The following RABGGTB variants were observed in gnomAD, a reference collection of about 807,000 sequenced individuals.
The protein encoded by RABGGTB is geranylgeranyl transferase type-2 subunit beta.
In RABGGTB, 20 loss-of-function variants were observed where a neutral mutation model predicts 44.5. The ratio of observed to expected loss-of-function variants is 0.45; its 90% CI spans 0.32 to 0.65. The LOEUF is 0.65. Among genes scored for constraint, RABGGTB ranks in the 30% least tolerant of loss-of-function variants. The pLI, the probability that RABGGTB is intolerant of heterozygous loss-of-function variation, is 0.05. For synonymous variants in RABGGTB, 128 were observed against 136.7 expected (o/e 0.94, Z 0.44); for missense variants, 302 against 398.7 (o/e 0.76, Z 2.06).
intron 1 of RABGGTB, chr1:75,786,770 T>A (rs1320309087): frequency 2.7e-5 from 8 of 295,030 alleles, no homozygotes; most frequent in Non-Finnish European, 6.5e-6. Context: ...CATGGGGACT[T>A]CTGCAAATAC....
Position 75,791,351 on chromosome 1 carries a change from A to T in RABGGTB, c.468+14A>T. On this transcript the variant is annotated intron_variant, in intron 5 of 8. Coordinates refer to ENST00000319942, the MANE Select transcript of RABGGTB (RefSeq NM_004582.4). ...TTGGCTTTGTTGGTAAGCTTTGAAT[A>T]TTTGATTGAAATGATTAAAGTTCAT... The T allele has an allele frequency of 6.2e-7, 1 of 1,600,692 alleles. No homozygotes were observed. The highest frequency in any genetic ancestry group is 8.5e-7 in the Non-Finnish European group (1 of 1,170,632).
chr1:75,786,258 T>C lies in RABGGTB; in HGVS notation c.-14T>C. 6.2e-7 allele frequency: 1 copy of C among 1,614,174 alleles called. No individual in the cohort carries two copies. The highest frequency in any genetic ancestry group is 8.5e-7 in the Non-Finnish European group (1 of 1,180,016). ...CCCAGGAACTGACCCTGCTCTCTCC[T>C]TTCCCTGTTAGACATGGTAAGTGTG... On this transcript the variant is annotated 5_prime_UTR_variant, in exon 1 of 9. Transcript: ENST00000319942.
At chr1:75,794,288 C>G in intron 8 of RABGGTB, 55 bp downstream of exon 8, 1 of 1,530,114 alleles carries the variant, frequency 6.5e-7, no homozygotes, top group Non-Finnish European at 8.8e-7. Flanking sequence ...TGCATTACTT[C>G]ATGGTTCCAT....
chr1:75,790,238 G>A (rs1445661937), intron 4 of RABGGTB, 181 bp downstream of exon 4: 84 of 1,335,556 alleles, frequency 6.3e-5, no homozygotes, highest in Non-Finnish European at 7.9e-5. Context: ...GCATATACAG[G>A]AGCACTGGAA....
At position 75,787,511 on chromosome 1, in the gene RABGGTB, G is replaced by T. The variant is rs775478491; in HGVS notation, c.18G>T (p.Lys6Asn). ...TATTTTGAAAGGGCACTCCACAGAA[G>T]GATGTTATTATCAAGTCAGATGCAC... Reference protein sequence around the residue: MGTPQKDVIIKSDAPD... With the variant: MGTPQNDVIIKSDAPD... The change falls in exon 2 of 9, where the codon AAG (lysine) becomes AAT (asparagine). Residue 6 changes from lysine (K) to asparagine (N), a missense_variant. Physicochemically the swap from Lys to Asn is moderately conservative, Grantham distance 94. This residue lies in a region of RABGGTB where 89 missense variants were observed against 75.0 expected (regional missense o/e 1.19). Transcript: ENST00000319942. 2 of 1,613,456 alleles carry T rather than the reference G, an allele frequency of 1.2e-6. No individual in the cohort carries two copies. The highest frequency in any genetic ancestry group is 1.6e-4 in the Middle Eastern group (1 of 6,084).
At chr1:75,789,431 C>G (rs750241358) in intron 3 of RABGGTB, 75 bp downstream of exon 3, 1 of 1,470,374 alleles carries the variant, frequency 6.8e-7, no homozygotes, top group Non-Finnish European at 9.5e-7. Flanking sequence ...GAAACTGTAT[C>G]AGGATTTGGT....
intron 1 of RABGGTB, 67 bp from the exon 2 acceptor site, chr1:75,787,430 C>T (rs1054537166): frequency 1.5e-5 from 17 of 1,162,492 alleles, no homozygotes; most frequent in African/African-American, 9.2e-5. Context: ...TATGTTGAAT[C>T]TATGCTGTGG....
intron 4 of RABGGTB, chr1:75,790,576 T>A: frequency 1.4e-6 from 1 of 727,506 alleles, no homozygotes; most frequent in African/African-American, 1.9e-5. Flanking sequence ...AGTTTTCTTC[T>A]CTTTGGTTTT....
chr1:75,792,098 AGTG>A lies in RABGGTB; in HGVS notation c.580-79_580-77del, dbSNP rs755434455. 5.5e-4 allele frequency: 666 copies of A among 1,204,756 alleles called. 4 individuals carry two copies. The highest frequency in any genetic ancestry group is 2.9e-4 in the Non-Finnish European group (249 of 848,190). The allele number at this position is 1,204,756 out of a possible 1,614,324, so 74.6% of individuals were successfully genotyped here. On this transcript the variant is annotated intron_variant, in intron 6 of 8. Transcript: ENST00000319942. ...TCAAGAAGAAAAACTTAAGATATAA[AGTG>A]GTGTTTTAATAATTTGAGTTTTATC...
At chr1:75,787,423 G>C (rs148587385) in intron 1 of RABGGTB, 74 bp from the exon 2 acceptor site, 1 of 1,114,880 alleles carries the variant, frequency 9.0e-7, no homozygotes, top group Non-Finnish European at 1.3e-6. Flanking sequence ...TGAGATGTAT[G>C]TTGAATCTAT....
intron 2 of RABGGTB, chr1:75,787,879 A>G (rs1450320530): frequency 4.6e-6 from 3 of 648,446 alleles, no homozygotes; most frequent in South Asian, 4.2e-5. Context: ...GTTAGGGGTA[A>G]TACTTTCAAG....
At chr1:75,786,589 A>T (rs535462968) in intron 1 of RABGGTB, 75 of 380,528 alleles carry the variant, frequency 2.0e-4, no homozygotes, top group African/African-American at 1.5e-3. Context: ...AGGGGGTGTC[A>T]AAGATTTCTT....
At chr1:75,792,143 AATT>A (rs767924322) in intron 6 of RABGGTB, 35 bp from the exon 7 acceptor site, 2 of 1,541,288 alleles carry the variant, frequency 1.3e-6, no homozygotes, top group Non-Finnish European at 1.8e-6. Flanking sequence ...AATGTCAAGA[AATT>A]ATTATACACA....
chr1:75,794,221 G>T lies in RABGGTB; in HGVS notation c.843G>T (p.Arg281Ser). The T allele has an allele frequency of 6.2e-7, 1 of 1,607,978 alleles. No individual in the cohort carries two copies. The highest frequency in any genetic ancestry group is 2.2e-5 in the East Asian group (1 of 44,786). ...QDEETGGFADRPGDMVDPFHT... is the reference protein window; with the variant it reads ...QDEETGGFADSPGDMVDPFHT... ...AAGAAACGGGGGGATTTGCAGACAG[G>T]CCAGGAGATATGGCAAGTAATATTT... Residue 281 changes from arginine to serine, a missense_variant, in exon 8 of 9, where the codon AGG becomes AGT. Physicochemically the swap from Arg to Ser is moderately radical, Grantham distance 110. Transcript: ENST00000319942.
Position 75,787,588 on chromosome 1 carries a change from C to A in RABGGTB, c.95C>A (p.Ser32Ter). ...GCAGATTATATCGCATCCTATGGCT[C>A]AAAGAAAGATGATTATGTATGTATA... ...KHADYIASYG[S>*]KKDDYEYCMS... The change falls in exon 2 of 9, where the codon TCA (serine) becomes TAA (stop). Residue 32 changes from serine to a stop codon, truncating the protein, a stop_gained. Transcript: ENST00000319942. LOFTEE classifies it high-confidence loss of function. 6.2e-7 allele frequency: 1 copy of A among 1,610,922 alleles called. No homozygotes were observed. Among genetic ancestry groups the A allele is most frequent in the Non-Finnish European group, 8.5e-7 (1 of 1,177,240 alleles).
At chr1:75,786,197 A>C, upstream of RABGGTB, 1 of 1,579,342 alleles carries the variant, frequency 6.3e-7, no homozygotes. Flanking sequence ...GGGGCCTGAG[A>C]GGCGCATCTG....
chr1:75,794,190 A>G lies in RABGGTB; in HGVS notation c.812A>G (p.Gln271Arg), dbSNP rs1557482870. 5 of 1,613,780 alleles carry G rather than the reference A, an allele frequency of 3.1e-6. No individual in the cohort carries two copies. The highest frequency in any genetic ancestry group is 4.2e-6 in the Non-Finnish European group (5 of 1,179,776). The change falls in exon 8 of 9, where the codon CAA (glutamine) becomes CGA (arginine). Residue 271 changes from glutamine (Q) to arginine (R), a missense_variant. Transcript: ENST00000319942. ...CTGCGTAATTTCATTTTAGCATGTC[A>G]AGATGAAGAAACGGGGGGATTTGCA... ...EKLRNFILAC[Q>R]DEETGGFADR...
rs752962520 is a variant in RABGGTB, at chr1:75,791,562, T to C, written c.570T>C (p.His190=). Reference sequence around the variant, plus strand: ...GTTGCAGACCAGGTTCTGAATCCCATGCTGGGCAGGTAATTTATGAATACA... The same window carrying C: ...GTTGCAGACCAGGTTCTGAATCCCACGCTGGGCAGGTAATTTATGAATACA... ...GFGCRPGSES[H]AGQIYCCTGF... The change falls in exon 6 of 9, where the codon CAT becomes CAC. Residue 190 remains histidine (H), a synonymous_variant. Coordinates refer to ENST00000319942, the MANE Select transcript of RABGGTB (RefSeq NM_004582.4). 8.1e-6 allele frequency: 13 copies of C among 1,608,628 alleles called. No individual in the cohort carries two copies. The highest frequency in any genetic ancestry group is 1.0e-5 in the Non-Finnish European group (12 of 1,177,680).
chr1:75,793,195 CCTGCCCT>C (rs1412830740), intron 7 of RABGGTB, among the ~76,000 whole-genome samples: 1 of 152,040 alleles, frequency 6.6e-6, no homozygotes, highest in Non-Finnish European at 1.5e-5. Flanking sequence ...TTGCTGTGCC[CCTGCCCT>C]CTGAATGGGA....
Sources: gnomAD v4.1 joint callset for allele counts (sites outside exome capture counted in the v4.1 genomes callset) on GRCh38, gnomAD v4.1.1 for gene constraint, gnomAD v4.1.1 regional missense constraint, MANE v1.5 for transcripts, NCBI Gene and HGNC (gene_info 2026-07-23, HGNC 2026-07-21) for gene names.